EDIL3: variants seen among roughly 807,000 people sequenced by gnomAD.
The protein encoded by EDIL3 is EGF-like repeat and discoidin I-like domain-containing protein 3.
EDIL3 carries 37 observed loss-of-function variants against 67.4 expected under a neutral mutation model. That is an observed-to-expected ratio of 0.55 (90% CI 0.42 to 0.72). EDIL3 has a LOEUF of 0.72. EDIL3 is among the 30% of genes least tolerant of loss of function. EDIL3 has a pLI of 0.00. For synonymous variants in EDIL3, 195 were observed against 196.3 expected (o/e 0.99, Z 0.05); for missense variants, 527 against 586.3 (o/e 0.90, Z 1.04).
At chr5:84,103,186 A>G (rs1747398848) in intron 6 of EDIL3, among the ~76,000 whole-genome samples, 1 of 152,080 alleles carries the variant, frequency 6.6e-6, no homozygotes, top group African/African-American at 2.4e-5. Flanking sequence ...TTGAAACTGG[A>G]CCCTTTCCTT....
In EDIL3 at chr5:84,278,994, C is replaced by T. The variant is rs1353371662; in HGVS notation, c.68-24782G>A. On this transcript the variant is annotated intron_variant, in intron 1 of 10. Coordinates refer to ENST00000296591, the MANE Select transcript of EDIL3 (RefSeq NM_005711.5). ...AGATTTACTACTTTTAGCCTTGTTA[C>T]CTTGGTAAAATCCTTCTATGCCTCA... Among the ~76,000 whole-genome samples, 3 of 151,548 alleles carry T rather than the reference C, an allele frequency of 2.0e-5. No individual in the cohort carries two copies. In the East Asian group the frequency reaches 5.8e-4, roughly 30 times the overall value.
intron 3 of EDIL3, among the ~76,000 whole-genome samples, chr5:84,209,574 G>A (rs148544977): frequency 6.6e-6 from 1 of 151,926 alleles, no homozygotes; most frequent in Non-Finnish European, 1.5e-5. Flanking sequence ...TCCTGGTTTT[G>A]TACAGTACAC....
At chr5:84,068,380 T>C (rs1746680020) in intron 6 of EDIL3, among the ~76,000 whole-genome samples, 1 of 152,188 alleles carries the variant, frequency 6.6e-6, no homozygotes, top group African/African-American at 2.4e-5. Flanking sequence ...TTTTCAATTA[T>C]CTTTTATCTC....
At chr5:83,946,291 A>G (rs1744306506) in intron 10 of EDIL3, among the ~76,000 whole-genome samples, 1 of 151,924 alleles carries the variant, frequency 6.6e-6, no homozygotes, top group Admixed American at 6.6e-5. Context: ...CCAGTTCAGG[A>G]AGGAGGCTAA....
intron 6 of EDIL3, among the ~76,000 whole-genome samples, chr5:84,074,688 G>A (rs1178871136): frequency 6.6e-6 from 1 of 151,940 alleles, no homozygotes; most frequent in Non-Finnish European, 1.5e-5. Context: ...TCATTCAAAA[G>A]TCAGGAAACA....
At chr5:84,020,843 A>G (rs1745702350) in intron 9 of EDIL3, among the ~76,000 whole-genome samples, 1 of 152,198 alleles carries the variant, frequency 6.6e-6, no homozygotes, top group Middle Eastern at 3.4e-3. Context: ...GTAACTTACT[A>G]AAGAATCTCA....
intron 2 of EDIL3, among the ~76,000 whole-genome samples, chr5:84,236,240 T>C (rs1490058488): frequency 6.6e-6 from 1 of 151,980 alleles, no homozygotes; most frequent in African/African-American, 2.4e-5. Flanking sequence ...TAAGCCAGAG[T>C]ACTGGGAAGC....
intron 2 of EDIL3, among the ~76,000 whole-genome samples, chr5:84,247,438 C>A (rs868249554): frequency 8.5e-5 from 13 of 152,138 alleles, no homozygotes; most frequent in African/African-American, 3.1e-4. Context: ...TATTCTGACA[C>A]TGATTGCCTT....
intron 4 of EDIL3, among the ~76,000 whole-genome samples, chr5:84,143,402 C>A (rs1026559330): frequency 2.6e-5 from 4 of 152,022 alleles, no homozygotes; most frequent in Non-Finnish European, 5.9e-5. Flanking sequence ...CTTACAAGAA[C>A]AGTAGCATAA....
At chr5:84,276,286 T>C (rs906135171) in intron 1 of EDIL3, among the ~76,000 whole-genome samples, 10 of 152,194 alleles carry the variant, frequency 6.6e-5, no homozygotes, top group Non-Finnish European at 1.2e-4. Flanking sequence ...TTTTAGAAGA[T>C]TGGTGTGAGA....
At chr5:83,964,548 G>A (rs1046936248) in intron 9 of EDIL3, among the ~76,000 whole-genome samples, 2 of 151,920 alleles carry the variant, frequency 1.3e-5, no homozygotes, top group African/African-American at 4.8e-5. Context: ...TCAGATACAG[G>A]CCATGAATGA....
intron 5 of EDIL3, among the ~76,000 whole-genome samples, chr5:84,128,589 A>G (rs1747907488): frequency 6.6e-6 from 1 of 151,866 alleles, no homozygotes; most frequent in Admixed American, 6.6e-5. Context: ...TTTTGTATAT[A>G]TTTTATTTGG....
intron 1 of EDIL3, among the ~76,000 whole-genome samples, chr5:84,278,924 AG>A (rs1354286558): frequency 6.6e-6 from 1 of 152,168 alleles, no homozygotes; most frequent in African/African-American, 2.4e-5. Flanking sequence ...TAAGGGATAC[AG>A]GCTTTAGGAG....
intron 5 of EDIL3, among the ~76,000 whole-genome samples, chr5:84,128,804 G>C (rs570741838): frequency 1.3e-5 from 2 of 152,042 alleles, no homozygotes; most frequent in Non-Finnish European, 2.9e-5. Flanking sequence ...GAAAATATAA[G>C]AGCAAGTTTT....
intron 9 of EDIL3, among the ~76,000 whole-genome samples, chr5:84,052,374 AT>A (rs1226202542): frequency 6.6e-6 from 1 of 152,210 alleles, no homozygotes; most frequent in Non-Finnish European, 1.5e-5. Flanking sequence ...TGTAAAGACC[AT>A]CAATGCTAGG....
At chr5:84,243,435 T>G (rs978737271) in intron 2 of EDIL3, among the ~76,000 whole-genome samples, 2 of 152,218 alleles carry the variant, frequency 1.3e-5, no homozygotes, top group African/African-American at 4.8e-5. Context: ...AAAAGATAGC[T>G]AAGTTGACAC....
intron 6 of EDIL3, among the ~76,000 whole-genome samples, chr5:84,076,485 C>A (rs774331696): frequency 1.3e-5 from 2 of 151,758 alleles, no homozygotes; most frequent in Non-Finnish European, 2.9e-5. Flanking sequence ...GATTTTTCAC[C>A]CATGCATGGT....
At chr5:84,173,354 G>A (rs1748844493) in intron 4 of EDIL3, among the ~76,000 whole-genome samples, 1 of 152,118 alleles carries the variant, frequency 6.6e-6, no homozygotes, top group Non-Finnish European at 1.5e-5. Flanking sequence ...GGGTCTGCCA[G>A]TTGCAGGACG....
intron 1 of EDIL3, among the ~76,000 whole-genome samples, chr5:84,340,575 A>ATAT: frequency 1.5e-5 from 1 of 65,112 alleles, no homozygotes; most frequent in East Asian, 4.4e-4. Context: ...TATATATGTT[A>ATAT]GTCTACATAT....
Sources: gnomAD v4.1 joint callset for allele counts (sites outside exome capture counted in the v4.1 genomes callset) on GRCh38, gnomAD v4.1.1 for gene constraint, MANE v1.5 for transcripts, NCBI Gene and HGNC (gene_info 2026-07-23, HGNC 2026-07-21) for gene names.